Variants in SGCD observed in about 807,000 individuals in gnomAD.
The protein encoded by SGCD is sarcoglycan delta.
Under a neutral mutation model 36.6 loss-of-function variants are expected in SGCD, and 18 were observed. That is an observed-to-expected ratio of 0.49 (90% CI 0.34 to 0.73). The LOEUF (loss-of-function observed/expected upper bound fraction) is 0.73, where lower values mean the gene tolerates loss of function less well. Among genes scored for constraint, SGCD ranks in the 30% least tolerant of loss-of-function variants. The pLI, the probability that SGCD is intolerant of heterozygous loss-of-function variation, is 0.01. For synonymous variants in SGCD, 133 were observed against 130.6 expected, an observed-to-expected ratio of 1.02 and a Z score of -0.12; for missense variants, 387 against 346.7, an observed-to-expected ratio of 1.12 and a Z score of -0.92.
chr5:156,465,009 A>G (rs769755927), intron 3 of SGCD, among the ~76,000 whole-genome samples: 67 of 152,168 alleles, frequency 4.4e-4, no homozygotes, highest in Non-Finnish European at 9.4e-4. Context: ...CTCTCTTAGA[A>G]GCAAATTTTC....
intron 7 of SGCD, among the ~76,000 whole-genome samples, chr5:156,742,222 C>A (rs1363158154): frequency 6.6e-6 from 1 of 152,114 alleles, no homozygotes; most frequent in East Asian, 1.9e-4. Context: ...ACCATTAACT[C>A]AGCGATACGG....
intron 3 of SGCD, among the ~76,000 whole-genome samples, chr5:156,486,739 C>T (rs972372963): frequency 1.3e-5 from 2 of 152,154 alleles, no homozygotes; most frequent in African/African-American, 4.8e-5. Context: ...ACCCCTTTTG[C>T]CTGCTGCCAC....
chr5:155,852,741 G>A, the SGCD span, among the ~76,000 whole-genome samples: 2 of 152,048 alleles, frequency 1.3e-5, no homozygotes, highest in Non-Finnish European at 2.9e-5. Context: ...TTAACGTGGC[G>A]GGTTATATGC....
At chr5:156,526,547 T>C (rs183862337) in intron 4 of SGCD, among the ~76,000 whole-genome samples, 1 of 152,194 alleles carries the variant, frequency 6.6e-6, no homozygotes, top group Non-Finnish European at 1.5e-5. Context: ...TAAATAAAAG[T>C]GATTTGTACT....
At chr5:156,558,781 G>C (rs1759151363) in intron 4 of SGCD, among the ~76,000 whole-genome samples, 1 of 152,172 alleles carries the variant, frequency 6.6e-6, no homozygotes, top group South Asian at 2.1e-4. Flanking sequence ...TTAGACATCA[G>C]CCAAGGAGTG....
intron 3 of SGCD, among the ~76,000 whole-genome samples, chr5:156,425,483 A>G (rs1773631342): frequency 6.6e-6 from 1 of 152,102 alleles, no homozygotes; most frequent in Non-Finnish European, 1.5e-5. Context: ...AAGTTAATAC[A>G]TTGACATAAG....
chr5:155,728,927 T>C, the SGCD span, among the ~76,000 whole-genome samples: 1 of 152,176 alleles, frequency 6.6e-6, no homozygotes, highest in Non-Finnish European at 1.5e-5. Flanking sequence ...CACCAAGGCG[T>C]TTCGCGGACT....
Position 156,276,025 on chromosome 5 carries a change from C to T in SGCD, c.-43-53509C>T, listed in dbSNP as rs113289239. 4.7e-4 allele frequency among the ~76,000 whole-genome samples: 71 copies of T among 152,190 alleles called. 1 individual carries two copies. The highest frequency in any genetic ancestry group is 1.6e-3 in the African/African-American group (68 of 41,520). On this transcript the variant is annotated intron_variant, in intron 3 of 9. Coordinates refer to the SGCD transcript ENST00000517913. Reference sequence around the variant, plus strand: ...ATTCTTGAAGGTGGTGACACTGAGCCTCAGAGGAATAAGTGACCTCCCCAG... The same window carrying T: ...ATTCTTGAAGGTGGTGACACTGAGCTTCAGAGGAATAAGTGACCTCCCCAG...
the SGCD span, among the ~76,000 whole-genome samples, chr5:155,741,343 A>G: frequency 3.9e-5 from 6 of 152,198 alleles, no homozygotes; most frequent in Non-Finnish European, 8.8e-5. Flanking sequence ...GACCTGGAAA[A>G]AGAAGGGAAT....
chr5:156,128,557 G>A (rs73300623), intron 3 of SGCD, among the ~76,000 whole-genome samples: 2,430 of 152,154 alleles, frequency 0.016, 61 homozygotes, highest in African/African-American at 0.054. Context: ...TCCAAATCTC[G>A]TCTCTAATTG....
At chr5:156,399,524 C>T (rs892593576) in intron 3 of SGCD, among the ~76,000 whole-genome samples, 1 of 152,168 alleles carries the variant, frequency 6.6e-6, no homozygotes, top group Admixed American at 6.5e-5. Flanking sequence ...CATGACCTTT[C>T]CAGGGCTCTT....
chr5:156,422,171 CTGTTTGCTG>C (rs911558911), intron 3 of SGCD, among the ~76,000 whole-genome samples: 2 of 151,968 alleles, frequency 1.3e-5, no homozygotes, highest in African/African-American at 2.4e-5. Flanking sequence ...CTTGGGGGAA[CTGTTTGCTG>C]TGAGCAGGAG....
intron 4 of SGCD, among the ~76,000 whole-genome samples, chr5:156,554,161 G>T (rs1758908473): frequency 6.6e-6 from 1 of 152,014 alleles, no homozygotes; most frequent in Non-Finnish European, 1.5e-5. Context: ...TTTGAGACCA[G>T]CCTGGCCAAC....
the SGCD span, among the ~76,000 whole-genome samples, chr5:155,752,596 A>G: frequency 6.6e-6 from 1 of 152,134 alleles, no homozygotes; most frequent in Non-Finnish European, 1.5e-5. Flanking sequence ...CTTCCTAGGC[A>G]GGTCTGATTC....
At chr5:156,123,960 T>G (rs1266730635) in exon 3 of SGCD, 1 of 152,298 alleles carries the variant, frequency 6.6e-6, no homozygotes, top group South Asian at 2.1e-4. Flanking sequence ...GGGGATTTTC[T>G]TAATCCCAAT....
At chr5:155,792,690 C>A in the SGCD span, among the ~76,000 whole-genome samples, 1 of 152,020 alleles carries the variant, frequency 6.6e-6, no homozygotes, top group Non-Finnish European at 1.5e-5. Context: ...AAATGCAAAT[C>A]AAAACCACAA....
At chr5:156,200,778 T>C (rs1412473253) in intron 3 of SGCD, among the ~76,000 whole-genome samples, 1 of 152,164 alleles carries the variant, frequency 6.6e-6, no homozygotes, top group Non-Finnish European at 1.5e-5. Context: ...CTCAAAGACA[T>C]ATTCACACAC....
rs540212794 is a variant in SGCD, at chr5:156,248,742, A to G, written c.-43-80792A>G. Among the ~76,000 whole-genome samples, 3 of 152,334 alleles carry G rather than the reference A, an allele frequency of 2.0e-5. No homozygotes were observed. The East Asian group carries it at 5.8e-4, about 29-fold the overall frequency. ...GAAGCTGAATTCGGACACTGTTGGG[A>G]AAATAGTCAGGAGGCAATGCAAGTT... On this transcript the variant is annotated intron_variant, in intron 3 of 9. Transcript: ENST00000517913.
At chr5:155,765,867 G>T in the SGCD span, among the ~76,000 whole-genome samples, 1 of 152,122 alleles carries the variant, frequency 6.6e-6, no homozygotes, top group South Asian at 2.1e-4. Flanking sequence ...TGTGGTTGGC[G>T]AAGCTGAACT....
Sources: gnomAD v4.1 joint callset for allele counts (sites outside exome capture counted in the v4.1 genomes callset) on GRCh38, gnomAD v4.1.1 for gene constraint, MANE v1.5 for transcripts, NCBI Gene and HGNC (gene_info 2026-07-23, HGNC 2026-07-21) for gene names.